DTD1: variants seen among roughly 807,000 people sequenced by gnomAD.
DTD1 encodes D-aminoacyl-tRNA deacylase 1.
Under a neutral mutation model 25.6 loss-of-function variants are expected in DTD1, and 13 were observed. The ratio of observed to expected loss-of-function variants is 0.51; its 90% CI spans 0.33 to 0.81. The LOEUF (loss-of-function observed/expected upper bound fraction) is 0.81, where lower values mean the gene tolerates loss of function less well. DTD1 is among the 30% of genes least tolerant of loss of function. The pLI is 0.02. For missense variants in DTD1, 193 were observed against 266.4 expected, an observed-to-expected ratio of 0.72 and a Z score of 1.92; for synonymous variants, 110 against 103.6, an observed-to-expected ratio of 1.06 and a Z score of -0.37.
chr20:18,669,753 A>G (rs780194774), intron 4 of DTD1, among the ~76,000 whole-genome samples: 15 of 151,956 alleles, frequency 9.9e-5, no homozygotes, highest in Non-Finnish European at 1.6e-4. Context: ...GGTTATTCCA[A>G]TCGCTCCCGG....
intron 4 of DTD1, among the ~76,000 whole-genome samples, chr20:18,682,266 A>T (rs2061001007): frequency 6.6e-6 from 1 of 152,246 alleles, no homozygotes. Flanking sequence ...CCATCAGGCC[A>T]CTACTCTGAG....
chr20:18,710,963 C>T (rs1377082570), intron 4 of DTD1, among the ~76,000 whole-genome samples: 1 of 152,158 alleles, frequency 6.6e-6, no homozygotes, highest in Non-Finnish European at 1.5e-5. Flanking sequence ...CTCTTGTATT[C>T]CTATGACAGT....
At chr20:18,595,532 A>G (rs6081235) in intron 2 of DTD1, among the ~76,000 whole-genome samples, 47,044 of 152,082 alleles carry the variant, frequency 0.31, 7,754 homozygotes, top group Non-Finnish European at 0.37. Flanking sequence ...GGCCTCCCAA[A>G]GTACTGGGAT....
At chr20:18,680,532 G>A (rs2060993091) in intron 4 of DTD1, among the ~76,000 whole-genome samples, 1 of 151,230 alleles carries the variant, frequency 6.6e-6, no homozygotes, top group African/African-American at 2.4e-5. Flanking sequence ...GTGAGCCACT[G>A]TGCCTGGATT....
At chr20:18,611,938 T>A (rs1202375563) in intron 3 of DTD1, among the ~76,000 whole-genome samples, 1 of 151,998 alleles carries the variant, frequency 6.6e-6, no homozygotes, top group Non-Finnish European at 1.5e-5. Flanking sequence ...CACTGTAACC[T>A]CCGCCTCCCA....
chr20:18,683,375 T>C (rs983940047), intron 4 of DTD1, among the ~76,000 whole-genome samples: 2 of 152,254 alleles, frequency 1.3e-5, no homozygotes, highest in African/African-American at 4.8e-5. Flanking sequence ...TCTGTCAATA[T>C]TGTCTAAGAC....
At chr20:18,667,865 T>A (rs1568663286) in intron 4 of DTD1, among the ~76,000 whole-genome samples, 1 of 152,328 alleles carries the variant, frequency 6.6e-6, no homozygotes, top group East Asian at 1.9e-4. Context: ...GCACATTACT[T>A]GACCTGCAGA....
Position 18,602,902 on chromosome 20 carries a change from A to C in DTD1, c.370+6661A>C, listed in dbSNP as rs1410726383. Among the ~76,000 whole-genome samples, 5 of 115,690 alleles carry C rather than the reference A, an allele frequency of 4.3e-5. No individual in the cohort carries two copies. In the Admixed American group the frequency reaches 4.5e-4, roughly 10 times the overall value. 75.9% of individuals were successfully genotyped at this position (115,690 alleles called of 152,430 possible). ...AATCACCAGCTGACATCATAATGAC[A>C]GGATCAAATTCACACATAACAATAT... On this transcript the variant is annotated intron_variant, in intron 3 of 5. Coordinates refer to ENST00000377452, the MANE Select transcript of DTD1 (RefSeq NM_080820.6).
In DTD1 at chr20:18,629,678, G is replaced by T. The variant is rs186055209; in HGVS notation, c.477+1445G>T. Among the ~76,000 whole-genome samples, 92 of 152,018 alleles carry T rather than the reference G, an allele frequency of 6.1e-4. 1 individual carries two copies. The highest frequency in any genetic ancestry group is 3.4e-3 in the Middle Eastern group (1 of 294). On this transcript the variant is annotated intron_variant, in intron 4 of 5. Transcript: ENST00000377452. ...TAGTTTATTCTCATACTGCTATAAAGAAATACCTGAGACAGGGTAATTTAT... is the reference window on the plus strand; with the variant it reads ...TAGTTTATTCTCATACTGCTATAAATAAATACCTGAGACAGGGTAATTTAT...
At chr20:18,741,625 G>C (rs905516188) in intron 4 of DTD1, among the ~76,000 whole-genome samples, 1 of 152,154 alleles carries the variant, frequency 6.6e-6, no homozygotes, top group Non-Finnish European at 1.5e-5. Flanking sequence ...TAGCTATGTA[G>C]AGTATTATTT....
intron 4 of DTD1, chr20:18,675,615 C>T (rs1335749698): frequency 6.6e-6 from 1 of 152,026 alleles, no homozygotes; most frequent in Non-Finnish European, 1.5e-5. Flanking sequence ...GATACTTAAT[C>T]TTGTTTTTAA....
intron 3 of DTD1, among the ~76,000 whole-genome samples, chr20:18,612,033 GTTTT>G (rs57848248): frequency 3.1e-5 from 3 of 96,648 alleles, no homozygotes; most frequent in Non-Finnish European, 5.8e-5. Context: ...TAATTTTTGT[GTTTT>G]TTTTTTTTTT....
intron 4 of DTD1, among the ~76,000 whole-genome samples, chr20:18,669,361 G>A (rs2060943822): frequency 6.6e-6 from 1 of 152,234 alleles, no homozygotes; most frequent in South Asian, 2.1e-4. Flanking sequence ...TCAGGTCAGC[G>A]ACTACCTCCA....
At chr20:18,648,921 G>A (rs558952318) in intron 4 of DTD1, among the ~76,000 whole-genome samples, 85 of 147,110 alleles carry the variant, frequency 5.8e-4, no homozygotes, top group African/African-American at 1.6e-3. Flanking sequence ...ACGTGAACCC[G>A]GGAGGCAGAG....
chr20:18,716,470 G>T (rs2061181161), intron 4 of DTD1, among the ~76,000 whole-genome samples: 1 of 152,212 alleles, frequency 6.6e-6, no homozygotes, highest in Admixed American at 6.5e-5. Flanking sequence ...GGTCTCACGG[G>T]AGGCCCATGG....
chr20:18,613,241 G>T (rs999946199), intron 3 of DTD1, among the ~76,000 whole-genome samples: 1 of 152,122 alleles, frequency 6.6e-6, no homozygotes, highest in African/African-American at 2.4e-5. Flanking sequence ...CTAGGCTCTG[G>T]GTATACAGTG....
At chr20:18,613,369 C>T (rs11906241) in intron 3 of DTD1, among the ~76,000 whole-genome samples, 3,033 of 152,286 alleles carry the variant, frequency 0.02, 52 homozygotes, top group African/African-American at 0.024. Flanking sequence ...AAACCTCCTG[C>T]TCTGCGAAAC....
chr20:18,661,029 A>G (rs1770301156), intron 4 of DTD1, among the ~76,000 whole-genome samples: 1 of 152,102 alleles, frequency 6.6e-6, no homozygotes, highest in South Asian at 2.1e-4. Flanking sequence ...TCTTGCCTCC[A>G]TTTTTATACC....
chr20:18,672,262 CATT>C (rs1405075213), intron 4 of DTD1, among the ~76,000 whole-genome samples: 1 of 152,016 alleles, frequency 6.6e-6, no homozygotes, highest in African/African-American at 2.4e-5. Flanking sequence ...GCTAAGTCAT[CATT>C]GTTACAAGAC....
Sources: allele counts gnomAD v4.1 joint callset (sites outside exome capture counted in the v4.1 genomes callset), GRCh38; gene constraint gnomAD v4.1.1; transcripts MANE v1.5; gene names NCBI Gene and HGNC (gene_info 2026-07-23, HGNC 2026-07-21).